Variants in CFAP20DC observed in about 807,000 individuals in gnomAD.
CFAP20DC encodes protein CFAP20DC.
Under a neutral mutation model 101.7 loss-of-function variants are expected in CFAP20DC, and 84 were observed. The ratio of observed to expected loss-of-function variants is 0.83; its 90% CI spans 0.69 to 0.99. The LOEUF (loss-of-function observed/expected upper bound fraction) is 0.99, where lower values mean the gene tolerates loss of function less well. Among genes scored for constraint, CFAP20DC ranks in the 50% least tolerant of loss-of-function variants. The pLI, the probability that CFAP20DC is intolerant of heterozygous loss-of-function variation, is 0.00. For synonymous variants in CFAP20DC, 359 were observed against 351.2 expected, an observed-to-expected ratio of 1.02 and a Z score of -0.25; for missense variants, 1,007 against 970.3, an observed-to-expected ratio of 1.04 and a Z score of -0.50.
intron 4 of CFAP20DC, among the ~76,000 whole-genome samples, chr3:59,010,918 G>A (rs2093566974): frequency 6.6e-6 from 1 of 152,236 alleles, no homozygotes; most frequent in Non-Finnish European, 1.5e-5. Flanking sequence ...GCCTCAAAAT[G>A]ATACAAATAA....
At position 58,806,376 on chromosome 3, in the gene CFAP20DC, G is replaced by T. The variant is rs2074058272; in HGVS notation, c.2237+19C>A. On this transcript the variant is annotated intron_variant, in intron 15 of 16. Transcript: ENST00000482387. ...TAAGTTTTTTTTTTTCTTAAATGTAGATTATTAATGATTCTTACCGGGGAT... is the reference window on the plus strand; with the variant it reads ...TAAGTTTTTTTTTTTCTTAAATGTATATTATTAATGATTCTTACCGGGGAT... The T allele has an allele frequency of 2.7e-6, 4 of 1,491,488 alleles. No individual in the cohort carries two copies. The highest frequency in any genetic ancestry group is 2.8e-5 in the African/African-American group (2 of 72,072). The allele number at this position is 1,491,488 out of a possible 1,614,324, so 92.4% of individuals were successfully genotyped here.
intron 13 of CFAP20DC, among the ~76,000 whole-genome samples, chr3:58,834,509 T>C (rs2076606485): frequency 6.6e-6 from 1 of 152,204 alleles, no homozygotes; most frequent in Admixed American, 6.5e-5. Context: ...CACAAGGCTG[T>C]AGTGTGCCTG....
Position 58,753,764 on chromosome 3 carries a change from C to A in CFAP20DC, c.2332+5G>T, listed in dbSNP as rs771170051. 4.4e-6 allele frequency: 7 copies of A among 1,595,794 alleles called. No homozygotes were observed. In the African/African-American group the frequency reaches 9.4e-5, roughly 21 times the overall value. On this transcript the variant is annotated splice_donor_5th_base_variant and intron_variant, in intron 16 of 16. Transcript: ENST00000482387. ...TCTTATGCATATCGTTTTTCATAGTCCCACCTTGAACACTCAAACTTTCAC... is the reference window on the plus strand; with the variant it reads ...TCTTATGCATATCGTTTTTCATAGTACCACCTTGAACACTCAAACTTTCAC...
chr3:58,930,170 A>G (rs72881694), intron 5 of CFAP20DC, among the ~76,000 whole-genome samples: 6,538 of 152,264 alleles, frequency 0.043, 459 homozygotes, highest in African/African-American at 0.15. Context: ...GTCTGTTTAC[A>G]TACATGTCTT....
At position 58,832,744 on chromosome 3, in the gene CFAP20DC, A is replaced by G. The variant is rs532439704; in HGVS notation, c.1972-855T>C. ...ATACTACTACAGATCTTTAGATGCT[A>G]GTATAAATATTATTTCATGGTATAG... On this transcript the variant is annotated intron_variant, in intron 13 of 16. Coordinates refer to ENST00000482387, the MANE Select transcript of CFAP20DC (RefSeq NM_001394063.1). Among the ~76,000 whole-genome samples the G allele has an allele frequency of 2.0e-5, 3 of 152,328 alleles. No homozygotes were observed. In the East Asian group the frequency reaches 5.8e-4, roughly 29 times the overall value.
At chr3:58,818,224 T>C (rs1336905128) in intron 14 of CFAP20DC, among the ~76,000 whole-genome samples, 1 of 150,038 alleles carries the variant, frequency 6.7e-6, no homozygotes, top group Non-Finnish European at 1.5e-5. Context: ...AGAAAGAAAC[T>C]GCATCGACTA....
Position 58,768,213 on chromosome 3 carries a change from G to A in CFAP20DC, c.2238-14350C>T, listed in dbSNP as rs748134500. 1.3e-5 allele frequency among the ~76,000 whole-genome samples: 2 copies of A among 152,204 alleles called. 1 individual carries two copies. The highest frequency in any genetic ancestry group is 4.1e-4 in the South Asian group (2 of 4,832). On this transcript the variant is annotated intron_variant, in intron 15 of 16. Coordinates refer to ENST00000482387, the MANE Select transcript of CFAP20DC (RefSeq NM_001394063.1). ...AACTTCTCAAACTGGATCTGAAAAA[G>A]AGAGATTCTCACAATGAAGATGGGA...
intron 4 of CFAP20DC, among the ~76,000 whole-genome samples, chr3:58,985,219 T>G (rs560932362): frequency 1.3e-5 from 2 of 152,314 alleles, no homozygotes; most frequent in South Asian, 4.1e-4. Context: ...TGAGCCACTG[T>G]GCTGGGCCAA....
At chr3:58,867,731 T>G in intron 10 of CFAP20DC, 86 bp downstream of exon 10, 4 of 1,494,890 alleles carry the variant, frequency 2.7e-6, no homozygotes, top group South Asian at 2.3e-5. Context: ...TGGTTCATAA[T>G]CCTTTGAAAT....
chr3:58,791,431 A>G (rs574274861), intron 15 of CFAP20DC, among the ~76,000 whole-genome samples: 76 of 152,266 alleles, frequency 5.0e-4, no homozygotes, highest in African/African-American at 1.7e-3. Context: ...ATATAAACCC[A>G]ACCTTTTGAT....
chr3:58,828,640 A>G (rs1211499208), intron 14 of CFAP20DC, among the ~76,000 whole-genome samples: 2 of 152,140 alleles, frequency 1.3e-5, no homozygotes, highest in Non-Finnish European at 2.9e-5. Context: ...GAAACTGGGG[A>G]CTGCTAAAGG....
At chr3:59,039,707 C>A in intron 3 of CFAP20DC, 78 bp from the exon 4 acceptor site, 1 of 852,976 alleles carries the variant, frequency 1.2e-6, no homozygotes, top group South Asian at 1.8e-5. Context: ...TCACAAACCA[C>A]GAACAAGCTG....
intron 7 of CFAP20DC, among the ~76,000 whole-genome samples, chr3:58,873,513 G>T (rs112172191): frequency 1.3e-5 from 2 of 148,820 alleles, no homozygotes; most frequent in African/African-American, 5.0e-5. Context: ...AGGTGTTCAA[G>T]CAGAAGTCTG....
chr3:59,021,095 A>C (rs963742240), intron 4 of CFAP20DC, among the ~76,000 whole-genome samples: 3 of 152,080 alleles, frequency 2.0e-5, no homozygotes, highest in Middle Eastern at 3.2e-3. Context: ...GAAACAGTCC[A>C]GGTTCCTTGG....
At chr3:59,026,959 G>A (rs1016418009) in intron 4 of CFAP20DC, among the ~76,000 whole-genome samples, 5 of 152,120 alleles carry the variant, frequency 3.3e-5, no homozygotes, top group African/African-American at 9.7e-5. Flanking sequence ...CCTAAACTCC[G>A]TAAAATTCTT....
chr3:58,936,116 C>G (rs1434182710), intron 5 of CFAP20DC, among the ~76,000 whole-genome samples: 8 of 151,992 alleles, frequency 5.3e-5, no homozygotes, highest in East Asian at 3.9e-4. Context: ...GGGCGAAGGA[C>G]ATGAACAGAC....
intron 15 of CFAP20DC, among the ~76,000 whole-genome samples, chr3:58,757,792 T>C (rs1008014085): frequency 6.6e-6 from 1 of 152,142 alleles, no homozygotes; most frequent in Admixed American, 6.6e-5. Flanking sequence ...AATAATGTTA[T>C]TTTAACACAG....
chr3:58,936,043 C>A (rs1271502266), intron 5 of CFAP20DC, among the ~76,000 whole-genome samples: 1 of 152,074 alleles, frequency 6.6e-6, no homozygotes, highest in Non-Finnish European at 1.5e-5. Flanking sequence ...GGGCTAATAT[C>A]CAGAATCTAC....
intron 13 of CFAP20DC, among the ~76,000 whole-genome samples, chr3:58,839,256 G>C (rs1055069110): frequency 6.6e-6 from 1 of 152,202 alleles, no homozygotes; most frequent in African/African-American, 2.4e-5. Flanking sequence ...AGCCCATTGT[G>C]GTGGAAGGTG....
Sources: gnomAD v4.1 joint callset for allele counts (sites outside exome capture counted in the v4.1 genomes callset) on GRCh38, gnomAD v4.1.1 for gene constraint, MANE v1.5 for transcripts, NCBI Gene and HGNC (gene_info 2026-07-23, HGNC 2026-07-21) for gene names.